Variants in GTF2IRD1 observed in about 807,000 individuals in gnomAD.
GTF2IRD1 encodes the protein general transcription factor II-I repeat domain-containing protein 1.
Under a neutral mutation model 113.2 loss-of-function variants are expected in GTF2IRD1, and 26 were observed. The observed-to-expected ratio is 0.23, with a 90% CI of 0.17 to 0.32. GTF2IRD1 has a LOEUF of 0.32. GTF2IRD1 is among the 10% of genes least tolerant of loss of function. The pLI, the probability that GTF2IRD1 is intolerant of heterozygous loss-of-function variation, is 1.00. For synonymous variants in GTF2IRD1, 484 were observed against 529.1 expected (o/e 0.91, Z 1.17); for missense variants, 864 against 1,280.8 (o/e 0.67, Z 4.97).
At chr7:74,532,477 C>T (rs1798017018) in intron 9 of GTF2IRD1, among the ~76,000 whole-genome samples, 1 of 152,108 alleles carries the variant, frequency 6.6e-6, no homozygotes, top group African/African-American at 2.4e-5. Flanking sequence ...TCACTTGAGC[C>T]CAGGAATTGG....
intron 22 of GTF2IRD1, among the ~76,000 whole-genome samples, chr7:74,569,596 A>C (rs1800566830): frequency 6.6e-6 from 1 of 152,196 alleles, no homozygotes; most frequent in South Asian, 2.1e-4. Context: ...TAATGATACG[A>C]TCAGATTTGC....
At chr7:74,472,345 G>A (rs994370536) in intron 1 of GTF2IRD1, among the ~76,000 whole-genome samples, 1 of 152,196 alleles carries the variant, frequency 6.6e-6, no homozygotes, top group African/African-American at 2.4e-5. Context: ...TAGAACTGGA[G>A]GGAACCTCAG....
chr7:74,517,464 G>T (rs587770009), intron 4 of GTF2IRD1, among the ~76,000 whole-genome samples: 24 of 104,548 alleles, frequency 2.3e-4, no homozygotes, highest in African/African-American at 9.0e-4. Context: ...ATGGATTCTC[G>T]TTCTGTTACC....
chr7:74,587,210 C>T (rs1354463743), intron 22 of GTF2IRD1, among the ~76,000 whole-genome samples: 3 of 152,002 alleles, frequency 2.0e-5, no homozygotes, highest in Non-Finnish European at 2.9e-5. Context: ...TTTGGGAGAC[C>T]GAGGCAGGCA....
intron 22 of GTF2IRD1, among the ~76,000 whole-genome samples, chr7:74,569,616 A>T (rs587600908): frequency 7.9e-5 from 12 of 152,310 alleles, no homozygotes; most frequent in Middle Eastern, 3.4e-3. Flanking sequence ...CGCTGTCTTC[A>T]GGTTACCATG....
chr7:74,488,756 AAAAG>A (rs1420645617), intron 1 of GTF2IRD1, among the ~76,000 whole-genome samples: 5 of 152,052 alleles, frequency 3.3e-5, no homozygotes, highest in Non-Finnish European at 5.9e-5. Context: ...ACAGAAGAAA[AAAAG>A]AGAGAGAGAG....
At chr7:74,495,700 G>A (rs1795617941) in intron 1 of GTF2IRD1, among the ~76,000 whole-genome samples, 1 of 152,170 alleles carries the variant, frequency 6.6e-6, no homozygotes. Flanking sequence ...GTGTTGACGA[G>A]CCCACAAGAG....
At chr7:74,566,006 A>ACACACACAC (rs1800285278) in intron 22 of GTF2IRD1, among the ~76,000 whole-genome samples, 2 of 143,216 alleles carry the variant, frequency 1.4e-5, no homozygotes, top group African/African-American at 5.2e-5. Context: ...AAGACACACA[A>ACACACACAC]ACACACACAC....
Position 74,555,280 on chromosome 7 carries a change from C to T in GTF2IRD1, c.1966+57C>T. ...GGGCGGGCAAGGGAGGGCCCCAGGCCTCTGCCACCAGCCCCTCCTCCTGCT... is the reference window on the plus strand; with the variant it reads ...GGGCGGGCAAGGGAGGGCCCCAGGCTTCTGCCACCAGCCCCTCCTCCTGCT... On this transcript the variant is annotated intron_variant, in intron 18 of 26. Transcript: ENST00000424337. The surrounding 1 kb of genome is among the most constrained non-coding windows in gnomAD (Gnocchi z 5.3). 1 of 1,546,574 alleles carries T rather than the reference C, an allele frequency of 6.5e-7. No individual in the cohort carries two copies. Among genetic ancestry groups the T allele is most frequent in the Non-Finnish European group, 8.9e-7 (1 of 1,121,538 alleles).
chr7:74,587,317 C>T (rs1313905520), intron 22 of GTF2IRD1, among the ~76,000 whole-genome samples: 8 of 152,068 alleles, frequency 5.3e-5, no homozygotes, highest in South Asian at 2.1e-4. Flanking sequence ...TTGTGGCAGG[C>T]GCCTGTAGTC....
At chr7:74,491,332 T>C (rs76891055) in intron 1 of GTF2IRD1, among the ~76,000 whole-genome samples, 1 of 147,922 alleles carries the variant, frequency 6.8e-6, no homozygotes, top group African/African-American at 2.5e-5. Flanking sequence ...TTTTTTTTTT[T>C]TTACTTTGAG....
At chr7:74,571,174 A>G in intron 22 of GTF2IRD1, 1 of 950,734 alleles carries the variant, frequency 1.1e-6, no homozygotes, top group Non-Finnish European at 1.3e-6. Context: ...GTGTGACTCC[A>G]GCAAGTCAGG....
At chr7:74,537,648 GA>G (rs752945637) in intron 11 of GTF2IRD1, among the ~76,000 whole-genome samples, 10 of 152,078 alleles carry the variant, frequency 6.6e-5, no homozygotes, top group Non-Finnish European at 1.2e-4. Context: ...GTTTATCCCA[GA>G]ATCCCCACAT....
intron 1 of GTF2IRD1, among the ~76,000 whole-genome samples, chr7:74,470,436 C>A (rs117805657): frequency 2.0e-5 from 3 of 152,168 alleles, no homozygotes; most frequent in African/African-American, 4.8e-5. Flanking sequence ...CAGCACCCCC[C>A]ACTCCAGCCC....
intron 22 of GTF2IRD1, among the ~76,000 whole-genome samples, chr7:74,563,376 G>C (rs1335414831): frequency 6.6e-6 from 1 of 151,712 alleles, no homozygotes; most frequent in African/African-American, 2.4e-5. Flanking sequence ...TCAGGAGTTC[G>C]AGACCAGCCT....
chr7:74,548,080 G>C (rs1256588727), intron 17 of GTF2IRD1, among the ~76,000 whole-genome samples: 1 of 152,112 alleles, frequency 6.6e-6, no homozygotes, highest in East Asian at 1.9e-4. Flanking sequence ...TGAGGGCCCG[G>C]GACAGCACCC....
At chr7:74,495,943 G>A (rs1382842997) in intron 1 of GTF2IRD1, among the ~76,000 whole-genome samples, 1 of 152,168 alleles carries the variant, frequency 6.6e-6, no homozygotes, top group African/African-American at 2.4e-5. Context: ...TGTGGCTGGG[G>A]CCAGCCACCT....
At chr7:74,482,469 C>T (rs1431430653) in intron 1 of GTF2IRD1, among the ~76,000 whole-genome samples, 2 of 152,030 alleles carry the variant, frequency 1.3e-5, no homozygotes, top group African/African-American at 4.8e-5. Context: ...CTCAAGTGGT[C>T]CTCCTGCCTC....
intron 1 of GTF2IRD1, among the ~76,000 whole-genome samples, chr7:74,493,113 T>C (rs547224289): frequency 2.7e-4 from 39 of 142,902 alleles, no homozygotes; most frequent in Admixed American, 1.0e-3. Flanking sequence ...TCTTCTTCTT[T>C]TTTTTTTTTT....
Sources: gnomAD v4.1 joint callset for allele counts (sites outside exome capture counted in the v4.1 genomes callset) on GRCh38, gnomAD v4.1.1 for gene constraint, Gnocchi (gnomAD v3.1) non-coding constraint, MANE v1.5 for transcripts, NCBI Gene and HGNC (gene_info 2026-07-23, HGNC 2026-07-21) for gene names.